LITAF: variants seen among roughly 807,000 people sequenced by gnomAD.
LITAF encodes lipopolysaccharide induced TNF factor.
A neutral mutation model predicts 14.5 loss-of-function variants in LITAF; 9 were observed. The ratio of observed to expected loss-of-function variants is 0.62; its 90% CI spans 0.37 to 1.08. The LOEUF (loss-of-function observed/expected upper bound fraction) is 1.08, where lower values mean the gene tolerates loss of function less well. Among genes scored for constraint, LITAF ranks in the 50% least tolerant of loss-of-function variants. The probability of loss-of-function intolerance (pLI) is 0.01; values close to 1 mark genes in which losing one functional copy is unlikely to be tolerated. For missense variants in LITAF, 206 were observed against 213.4 expected, an observed-to-expected ratio of 0.97 and a Z score of 0.22; for synonymous variants, 98 against 88.2, an observed-to-expected ratio of 1.11 and a Z score of -0.62.
At chr16:11,583,328 G>A (rs2064766527) in intron 1 of LITAF, among the ~76,000 whole-genome samples, 1 of 152,146 alleles carries the variant, frequency 6.6e-6, no homozygotes, top group South Asian at 2.1e-4. Context: ...CTTCCATCGG[G>A]GAGTTGGGCT....
chr16:11,627,529 C>T (rs2065091251), intron 3 of LITAF, among the ~76,000 whole-genome samples: 1 of 152,200 alleles, frequency 6.6e-6, no homozygotes, highest in Admixed American at 6.5e-5. Context: ...GCTATTCATC[C>T]TGACTAATGT....
intron 3 of LITAF, among the ~76,000 whole-genome samples, chr16:11,615,291 C>A (rs774249916): frequency 6.6e-6 from 1 of 152,144 alleles, no homozygotes; most frequent in Non-Finnish European, 1.5e-5. Context: ...AATCCCAGCA[C>A]CTTGGGAGGC....
At position 11,549,457 on chromosome 16, in the gene LITAF, C is replaced by G; in HGVS notation, c.*180G>C. ...AAGTCCTATGCACGACTCCAAGCAG[C>G]AATTTCTGGGGTTTGGAGATTTGTT... is the stretch of plus-strand genomic sequence containing the variant. On this transcript the variant is annotated 3_prime_UTR_variant, in exon 4 of 4. Coordinates refer to ENST00000622633, the MANE Select transcript of LITAF (RefSeq NM_001136472.2). This position sits in a 1 kb window ranked among gnomAD's most constrained non-coding sequence, Gnocchi z 4.6. The G allele has an allele frequency of 1.5e-6, 1 of 661,552 alleles. No individual in the cohort carries two copies. Among genetic ancestry groups the G allele is most frequent in the Non-Finnish European group, 2.8e-6 (1 of 358,816 alleles). The allele number at this position is 661,552 out of a possible 1,614,324, so 41.0% of individuals were successfully genotyped here. A position where few individuals can be genotyped will look rare whatever the true frequency, so the allele number is the denominator to read the frequency against.
At chr16:11,627,086 C>A (rs1346790536) in intron 3 of LITAF, among the ~76,000 whole-genome samples, 1 of 152,140 alleles carries the variant, frequency 6.6e-6, no homozygotes, top group African/African-American at 2.4e-5. Context: ...GCTGCAGACG[C>A]GTCCCTCCTT....
chr16:11,552,946 T>C (rs923682880), intron 3 of LITAF, among the ~76,000 whole-genome samples: 1 of 151,556 alleles, frequency 6.6e-6, no homozygotes, highest in Non-Finnish European at 1.5e-5. Flanking sequence ...AGACCCTATC[T>C]CTACTAAAAG....
At chr16:11,624,626 G>C (rs1265174462) in intron 3 of LITAF, among the ~76,000 whole-genome samples, 1 of 152,158 alleles carries the variant, frequency 6.6e-6, no homozygotes, top group Non-Finnish European at 1.5e-5. Context: ...TCTCTACAGG[G>C]TCTCCATTTA....
At chr16:11,619,337 C>T (rs1009062811) in intron 3 of LITAF, among the ~76,000 whole-genome samples, 6 of 151,900 alleles carry the variant, frequency 3.9e-5, no homozygotes, top group African/African-American at 1.5e-4. Context: ...AAAAAAAACC[C>T]CAGCACTGCT....
At chr16:11,619,859 C>G (rs1383473494) in intron 3 of LITAF, among the ~76,000 whole-genome samples, 3 of 152,220 alleles carry the variant, frequency 2.0e-5, no homozygotes, top group African/African-American at 7.2e-5. Flanking sequence ...TGTCCCAGAC[C>G]ACATCTCACG....
chr16:11,554,216 A>G (rs1415959695), intron 2 of LITAF, among the ~76,000 whole-genome samples: 2 of 151,962 alleles, frequency 1.3e-5, no homozygotes, highest in Admixed American at 6.6e-5. Flanking sequence ...TGGACAACAG[A>G]GCGACGCTCA....
At chr16:11,587,294 C>G (rs1181855892), upstream of LITAF, 4 of 438,250 alleles carry the variant, frequency 9.1e-6, no homozygotes, top group African/African-American at 4.1e-5. Flanking sequence ...ACTTTCCCCC[C>G]TCCCCGCGCC....
chr16:11,561,653 C>G (rs140254071), intron 1 of LITAF: 23 of 152,230 alleles, frequency 1.5e-4, no homozygotes, highest in Non-Finnish European at 2.5e-4. Flanking sequence ...TAAATAAATT[C>G]CACAGTCTTC....
At chr16:11,628,063 A>C (rs2065095048) in intron 3 of LITAF, among the ~76,000 whole-genome samples, 4 of 151,780 alleles carry the variant, frequency 2.6e-5, no homozygotes. Context: ...TTGGCCCAAG[A>C]CAAGCACAGT....
At chr16:11,623,659 C>CAA (rs546795665) in intron 3 of LITAF, among the ~76,000 whole-genome samples, 1 of 133,888 alleles carries the variant, frequency 7.5e-6, no homozygotes, top group East Asian at 2.2e-4. Context: ...AACTTTGTCT[C>CAA]AAAAAAAAAA....
At chr16:11,595,994 G>A (rs764666317) in intron 1 of LITAF, among the ~76,000 whole-genome samples, 9 of 152,126 alleles carry the variant, frequency 5.9e-5, no homozygotes, top group Admixed American at 1.3e-4. Context: ...GGCCAGGACA[G>A]GATATCCCAG....
intron 1 of LITAF, among the ~76,000 whole-genome samples, chr16:11,585,258 T>A (rs1275665297): frequency 3.3e-5 from 5 of 151,326 alleles, no homozygotes; most frequent in Non-Finnish European, 7.4e-5. Flanking sequence ...AGAAAGAAAT[T>A]GATCCTACGT....
At chr16:11,616,315 A>T (rs2065019421) in intron 3 of LITAF, among the ~76,000 whole-genome samples, 1 of 151,948 alleles carries the variant, frequency 6.6e-6, no homozygotes, top group Non-Finnish European at 1.5e-5. Flanking sequence ...CTCTAAAAAA[A>T]TTTTTTATTA....
At chr16:11,611,649 CTTTTCT>C (rs1225661293) in intron 3 of LITAF, among the ~76,000 whole-genome samples, 4 of 150,636 alleles carry the variant, frequency 2.7e-5, no homozygotes, top group East Asian at 3.9e-4. Context: ...TTCTTTCTTT[CTTTTCT>C]TTTTCTTTTT....
intron 3 of LITAF, among the ~76,000 whole-genome samples, chr16:11,604,409 A>G (rs1380768830): frequency 6.6e-6 from 1 of 152,192 alleles, no homozygotes; most frequent in African/African-American, 2.4e-5. Context: ...TGTATCATAA[A>G]TATATTGTTT....
chr16:11,637,948 ATATATATCTATATATATC>A (rs1170716785), upstream of LITAF, among the ~76,000 whole-genome samples: 788 of 59,662 alleles, frequency 0.013, 156 homozygotes, highest in African/African-American at 0.11. Context: ...CTATATATCT[ATATATATCTATATATATC>A]TATATATCTA....
Sources: gnomAD v4.1 joint callset for allele counts (sites outside exome capture counted in the v4.1 genomes callset) on GRCh38, gnomAD v4.1.1 for gene constraint, Gnocchi (gnomAD v3.1) non-coding constraint, MANE v1.5 for transcripts, NCBI Gene and HGNC (gene_info 2026-07-23, HGNC 2026-07-21) for gene names.